Variants in EPB41L4A observed in about 807,000 individuals in gnomAD.
EPB41L4A encodes erythrocyte membrane protein band 4.1 like 4A.
Under a neutral mutation model 108.6 loss-of-function variants are expected in EPB41L4A, and 100 were observed. The ratio of observed to expected loss-of-function variants is 0.92; its 90% CI spans 0.78 to 1.09. EPB41L4A has a LOEUF of 1.09. Among genes scored for constraint, EPB41L4A ranks in the 50% least tolerant of loss-of-function variants. The pLI, the probability that EPB41L4A is intolerant of heterozygous loss-of-function variation, is 0.00. For synonymous variants in EPB41L4A, 319 were observed against 289.0 expected, an observed-to-expected ratio of 1.10 and a Z score of -1.05; for missense variants, 1,030 against 842.7, an observed-to-expected ratio of 1.22 and a Z score of -2.75.
rs115520068 is a variant in EPB41L4A at position 112,155,240 on chromosome 5, T to C, written n.994+3161A>G. Among the ~76,000 whole-genome samples, 286 of 152,282 alleles carry C rather than the reference T, an allele frequency of 1.9e-3. 1 individual carries two copies. The highest frequency in any genetic ancestry group is 6.3e-3 in the African/African-American group (263 of 41,556). Reference sequence around the variant, plus strand: ...CACAGATTTATATTTTCCCAGAAGTTACCTCTTGTATTTAGGACCACAACA... The same window carrying C: ...CACAGATTTATATTTTCCCAGAAGTCACCTCTTGTATTTAGGACCACAACA... On this transcript the variant is annotated intron_variant and non_coding_transcript_variant, in intron 12 of 13. Coordinates refer to the EPB41L4A transcript ENST00000507810.
intron 1 of EPB41L4A, among the ~76,000 whole-genome samples, chr5:112,326,043 G>A (rs751887360): frequency 5.9e-5 from 9 of 152,086 alleles, no homozygotes; most frequent in East Asian, 1.9e-4. Flanking sequence ...CCAGCTACTT[G>A]GGAGGCTGAG....
chr5:112,336,686 A>G (rs758044165), intron 1 of EPB41L4A, among the ~76,000 whole-genome samples: 33 of 152,220 alleles, frequency 2.2e-4, no homozygotes, highest in Non-Finnish European at 3.7e-4. Flanking sequence ...CAGAAAGGAG[A>G]TGATGACAAC....
intron 2 of EPB41L4A, among the ~76,000 whole-genome samples, chr5:112,287,665 C>G (rs924816582): frequency 6.6e-6 from 1 of 152,188 alleles, no homozygotes; most frequent in African/African-American, 2.4e-5. Context: ...ACTCCCTCTA[C>G]TTTCCACTGT....
intron 14 of EPB41L4A, chr5:112,204,700 C>T (rs916246176): frequency 2.5e-6 from 1 of 406,184 alleles, no homozygotes. Context: ...GCAGGAATGC[C>T]ATTTGTCTCA....
At position 112,204,996 on chromosome 5, in the gene EPB41L4A, G is replaced by T. The variant is rs548430111; in HGVS notation, c.1262+425C>A. On this transcript the variant is annotated intron_variant, in intron 14 of 22. Transcript: ENST00000261486. ...TACAACACAGGTCTGTCACTGGTTT[G>T]GTAGTTGTGACCAGAGATACACTAG... Among the ~76,000 whole-genome samples, 38 of 152,258 alleles carry T rather than the reference G, an allele frequency of 2.5e-4. 1 individual carries two copies. Among genetic ancestry groups the T allele is most frequent in the African/African-American group, 9.1e-4 (38 of 41,546 alleles).
chr5:112,290,264 C>G (rs1267336733), intron 2 of EPB41L4A, among the ~76,000 whole-genome samples: 6 of 152,080 alleles, frequency 3.9e-5, no homozygotes, highest in Non-Finnish European at 8.8e-5. Context: ...TTTTTTGTTA[C>G]TGAAAATACA....
At chr5:112,334,020 G>T (rs1339666348) in intron 1 of EPB41L4A, among the ~76,000 whole-genome samples, 3 of 152,144 alleles carry the variant, frequency 2.0e-5, no homozygotes, top group Non-Finnish European at 4.4e-5. Context: ...ACTAGTTCAG[G>T]CCATGATGGG....
Position 112,204,367 on chromosome 5 carries a change from C to A in EPB41L4A, c.1376+8G>T, listed in dbSNP as rs964672686. On this transcript the variant is annotated splice_region_variant and intron_variant, in intron 15 of 22. Coordinates refer to ENST00000261486, the MANE Select transcript of EPB41L4A (RefSeq NM_022140.5). ...AAGCTGCTAACAGAGAGATTGTGTT[C>A]CGCTTACCTCCTCCTCACAGGCTGT... 1 of 1,591,738 alleles carries A rather than the reference C, an allele frequency of 6.3e-7. No individual in the cohort carries two copies. Among genetic ancestry groups the A allele is most frequent in the Admixed American group, 1.7e-5 (1 of 59,954 alleles).
At chr5:112,357,075 A>G (rs1212856458) in intron 1 of EPB41L4A, among the ~76,000 whole-genome samples, 1 of 152,220 alleles carries the variant, frequency 6.6e-6, no homozygotes, top group African/African-American at 2.4e-5. Flanking sequence ...GATAGACTGC[A>G]GCACAAACTA....
chr5:112,252,872 G>C (rs1019823542), intron 9 of EPB41L4A, among the ~76,000 whole-genome samples: 8 of 151,754 alleles, frequency 5.3e-5, no homozygotes, highest in African/African-American at 1.9e-4. Context: ...AAATAGGTAT[G>C]TAATGTATTT....
intron 17 of EPB41L4A, among the ~76,000 whole-genome samples, chr5:112,187,374 G>T (rs1266178751): frequency 1.3e-5 from 2 of 152,140 alleles, no homozygotes; most frequent in African/African-American, 2.4e-5. Flanking sequence ...TTGTTTTTCA[G>T]TTAATGTATA....
At chr5:112,209,817 T>G in intron 13 of EPB41L4A, 75 bp downstream of exon 13, 1 of 859,284 alleles carries the variant, frequency 1.2e-6, no homozygotes, top group Non-Finnish European at 1.8e-6. Context: ...TAAAAGATTT[T>G]TAACCTTGTC....
intron 1 of EPB41L4A, among the ~76,000 whole-genome samples, chr5:112,386,303 A>C (rs1433844743): frequency 2.0e-5 from 3 of 152,212 alleles, no homozygotes; most frequent in Non-Finnish European, 4.4e-5. Context: ...CCTTACAGCA[A>C]ATTACTCCTG....
At chr5:112,162,548 C>CCT (rs1759972454), downstream of EPB41L4A, 1 of 152,282 alleles carries the variant, frequency 6.6e-6, no homozygotes, top group South Asian at 2.1e-4. Context: ...GCGTATTTTT[C>CCT]CTCCAACTAA....
chr5:112,412,579 A>G (rs1422956620), intron 1 of EPB41L4A, among the ~76,000 whole-genome samples: 2 of 152,228 alleles, frequency 1.3e-5, no homozygotes, highest in Non-Finnish European at 2.9e-5. Flanking sequence ...TGAATTTAGC[A>G]CACTGAGTCT....
At chr5:112,154,117 T>C (rs1759568005) in intron 12 of EPB41L4A, among the ~76,000 whole-genome samples, 1 of 152,168 alleles carries the variant, frequency 6.6e-6, no homozygotes, top group South Asian at 2.1e-4. Context: ...ATTAATAATG[T>C]AAGTGTGGAT....
chr5:112,258,960 A>G (rs1278405101), intron 9 of EPB41L4A, among the ~76,000 whole-genome samples: 1 of 152,202 alleles, frequency 6.6e-6, no homozygotes, highest in Non-Finnish European at 1.5e-5. Context: ...AAATTGCACT[A>G]ACAACAATGA....
intron 15 of EPB41L4A, among the ~76,000 whole-genome samples, chr5:112,199,808 ACCTCTC>A (rs1271653384): frequency 8.5e-5 from 13 of 152,104 alleles, no homozygotes; most frequent in Admixed American, 8.5e-4. Flanking sequence ...TACCAATTTT[ACCTCTC>A]ACTGGCTACT....
intron 1 of EPB41L4A, among the ~76,000 whole-genome samples, chr5:112,395,905 A>T (rs1761304187): frequency 6.6e-6 from 1 of 152,256 alleles, no homozygotes; most frequent in Non-Finnish European, 1.5e-5. Flanking sequence ...ACCATGCAAT[A>T]CTATGCAGCC....
Sources: gnomAD v4.1 joint callset for allele counts (sites outside exome capture counted in the v4.1 genomes callset) on GRCh38, gnomAD v4.1.1 for gene constraint, MANE v1.5 for transcripts, NCBI Gene and HGNC (gene_info 2026-07-23, HGNC 2026-07-21) for gene names.